The following NCAM2 variants were observed in gnomAD, a reference collection of about 807,000 sequenced individuals.
NCAM2 encodes N-CAM-2.
Under a neutral mutation model 98.1 loss-of-function variants are expected in NCAM2, and 30 were observed. The ratio of observed to expected loss-of-function variants is 0.31; its 90% confidence interval spans 0.23 to 0.41. The LOEUF (loss-of-function observed/expected upper bound fraction) is 0.41. NCAM2 is among the 10% of genes least tolerant of loss of function. The pLI, the probability that NCAM2 is intolerant of heterozygous loss-of-function variation, is 1.00. For missense variants in NCAM2, 867 were observed against 1,005.8 expected, an observed-to-expected ratio of 0.86 and a Z score of 1.87; for synonymous variants, 368 against 342.4, an observed-to-expected ratio of 1.07 and a Z score of -0.83.
intron 9 of NCAM2, among the ~76,000 whole-genome samples, chr21:21,394,423 G>T (rs902800624): frequency 7.1e-6 from 1 of 139,986 alleles, no homozygotes; most frequent in Admixed American, 7.3e-5. Context: ...AGTGTTACAG[G>T]TTATTTTAAA....
At chr21:21,215,604 T>A (rs913822540) in intron 1 of NCAM2, among the ~76,000 whole-genome samples, 4 of 152,092 alleles carry the variant, frequency 2.6e-5, no homozygotes, top group Non-Finnish European at 4.4e-5. Context: ...GGTGCAAGCC[T>A]GTCATCCCAG....
At chr21:21,218,262 A>G (rs942117446) in intron 1 of NCAM2, among the ~76,000 whole-genome samples, 1 of 152,216 alleles carries the variant, frequency 6.6e-6, no homozygotes, top group Non-Finnish European at 1.5e-5. Context: ...AGTAAAGTTA[A>G]GTTACCAGAT....
At chr21:21,436,630 G>A (rs1224276115) in intron 12 of NCAM2, among the ~76,000 whole-genome samples, 3 of 151,930 alleles carry the variant, frequency 2.0e-5, no homozygotes, top group African/African-American at 7.3e-5. Flanking sequence ...AAGCATATTA[G>A]GGTAGAGGGA....
rs115283255 is a variant in NCAM2 at position 21,061,142 on chromosome 21, A to G, written c.55+62524A>G. ...AAAACAGCTGTAGGTATTAAGTGAT[A>G]GTCTGAAGAGTTCAGCTAAATAGCA... On this transcript the variant is annotated intron_variant, in intron 1 of 17. Coordinates refer to ENST00000400546, the MANE Select transcript of NCAM2 (RefSeq NM_004540.5). 8.1e-3 allele frequency among the ~76,000 whole-genome samples: 1,232 copies of G among 152,294 alleles called. 12 individuals are homozygous for G. Among genetic ancestry groups the G allele is most frequent in the African/African-American group, 0.027 (1,123 of 41,578 alleles).
chr21:21,417,474 T>C (rs2077017945), intron 10 of NCAM2, among the ~76,000 whole-genome samples: 1 of 152,070 alleles, frequency 6.6e-6, no homozygotes, highest in Admixed American at 6.5e-5. Flanking sequence ...GCACTCTTAG[T>C]TAATAGCCTC....
At position 21,214,746 on chromosome 21, in the gene NCAM2, T is replaced by TATATATATATATATACAC. The variant is rs11268201; in HGVS notation, c.56-65831_56-65830insTATATATATATATACACA. Among the ~76,000 whole-genome samples the TATATATATATATATACAC allele has an allele frequency of 5.0e-3, 505 of 100,516 alleles. 5 individuals are homozygous for TATATATATATATATACAC. Among genetic ancestry groups the TATATATATATATATACAC allele is most frequent in the Non-Finnish European group, 5.5e-3 (265 of 47,854 alleles). 65.9% of individuals were successfully genotyped at this position (100,516 alleles called of 152,430 possible). Reference sequence around the variant, plus strand: ...CCATATATATATATATATATATATATACACTATATATACACATATATGTAA... The same window carrying TATATATATATATATACAC: ...CCATATATATATATATATATATATATATATATATATATATACACACACTATATATACACATATATGTAA... On this transcript the variant is annotated intron_variant, in intron 1 of 17. Coordinates refer to ENST00000400546, the MANE Select transcript of NCAM2 (RefSeq NM_004540.5).
intron 11 of NCAM2, among the ~76,000 whole-genome samples, chr21:21,423,102 T>A (rs957832077): frequency 1.3e-5 from 2 of 152,236 alleles, no homozygotes; most frequent in Non-Finnish European, 1.5e-5. Context: ...ACTGTTGAAC[T>A]TTTTTATATT....
At chr21:21,258,208 A>T (rs1310597345) in intron 1 of NCAM2, among the ~76,000 whole-genome samples, 1 of 152,164 alleles carries the variant, frequency 6.6e-6, no homozygotes, top group African/African-American at 2.4e-5. Context: ...AAGTATAGGT[A>T]TTTAATATGC....
At position 21,539,585 on chromosome 21, in the gene NCAM2, C is replaced by T. The variant is rs75722922; in HGVS notation, c.*1628C>T. 2.6e-3 allele frequency: 391 copies of T among 152,240 alleles called. 4 individuals carry two copies. The highest frequency in any genetic ancestry group is 9.2e-3 in the African/African-American group (384 of 41,550). The allele number at this position is 152,240 out of a possible 1,614,324, so 9.4% of individuals were successfully genotyped here. ...TCAGCCAAGGAGAGAAAACTAAGTA[C>T]TTTTATATAATTCATCACTTTTCTG... On this transcript the variant is annotated 3_prime_UTR_variant, in exon 18 of 18. Transcript: ENST00000400546.
intron 12 of NCAM2, among the ~76,000 whole-genome samples, chr21:21,433,743 AAT>A: frequency 3.4e-5 from 1 of 29,800 alleles, no homozygotes; most frequent in Non-Finnish European, 6.9e-5. Context: ...ACTCCATCTC[AAT>A]AAAATAAAAT....
chr21:21,028,799 C>G (rs1466676192), intron 1 of NCAM2, among the ~76,000 whole-genome samples: 1 of 152,108 alleles, frequency 6.6e-6, no homozygotes, highest in African/African-American at 2.4e-5. Flanking sequence ...ATCAAAGACA[C>G]CTGGTCGTAT....
intron 16 of NCAM2, among the ~76,000 whole-genome samples, chr21:21,527,125 T>G (rs1989368798): frequency 6.6e-6 from 1 of 151,884 alleles, no homozygotes; most frequent in Non-Finnish European, 1.5e-5. Flanking sequence ...TTTTTTTTTT[T>G]TTTTGAGATG....
chr21:21,107,817 T>C (rs576842400), intron 1 of NCAM2, among the ~76,000 whole-genome samples: 1 of 152,226 alleles, frequency 6.6e-6, no homozygotes, highest in African/African-American at 2.4e-5. Flanking sequence ...CTGACTTTGC[T>C]TCAACCACGG....
intron 5 of NCAM2, among the ~76,000 whole-genome samples, chr21:21,299,311 T>C (rs2073619747): frequency 2.0e-5 from 3 of 151,552 alleles, no homozygotes; most frequent in South Asian, 2.1e-4. Flanking sequence ...TTTTTTTTTT[T>C]TGCTTGTGTC....
chr21:21,328,954 AT>A (rs1178878212), intron 6 of NCAM2, among the ~76,000 whole-genome samples: 6,114 of 138,364 alleles, frequency 0.044, 311 homozygotes, highest in African/African-American at 0.15. Context: ...TATAGCATTA[AT>A]TTTTTTTTTT....
At chr21:21,472,251 A>G (rs1984533642) in intron 14 of NCAM2, among the ~76,000 whole-genome samples, 1 of 152,018 alleles carries the variant, frequency 6.6e-6, no homozygotes, top group Non-Finnish European at 1.5e-5. Flanking sequence ...AGGGACTAGC[A>G]TTTGTAAGTC....
chr21:21,365,479 G>A (rs902822632), intron 8 of NCAM2, among the ~76,000 whole-genome samples: 2 of 151,572 alleles, frequency 1.3e-5, no homozygotes, highest in African/African-American at 4.8e-5. Context: ...AAAACATATA[G>A]CACTCAAAAT....
chr21:21,471,942 CAAT>C (rs1984494495), intron 14 of NCAM2, among the ~76,000 whole-genome samples: 1 of 151,860 alleles, frequency 6.6e-6, no homozygotes, highest in Non-Finnish European at 1.5e-5. Context: ...ATGTCTCTAA[CAAT>C]AAATCAGTAA....
chr21:21,270,570 T>G (rs1232325757), intron 1 of NCAM2, among the ~76,000 whole-genome samples: 1 of 152,226 alleles, frequency 6.6e-6, no homozygotes, highest in Non-Finnish European at 1.5e-5. Flanking sequence ...TGTTTACTTA[T>G]GTTTGGAGTT....
Sources: gnomAD v4.1 joint callset for allele counts (sites outside exome capture counted in the v4.1 genomes callset) on GRCh38, gnomAD v4.1.1 for gene constraint, MANE v1.5 for transcripts, NCBI Gene and HGNC (gene_info 2026-07-23, HGNC 2026-07-21) for gene names.